Variants in CASK observed in about 807,000 individuals in gnomAD.
The protein encoded by CASK is calcium/calmodulin dependent serine protein kinase, also known as peripheral plasma membrane protein CASK.
Under a neutral mutation model 82.9 loss-of-function variants are expected in CASK, and 4 were observed. The ratio of observed to expected loss-of-function variants is 0.05; its 90% CI spans 0.02 to 0.11. The LOEUF (loss-of-function observed/expected upper bound fraction) is 0.11. Among genes scored for constraint, CASK ranks in the 10% least tolerant of loss-of-function variants. The pLI, the probability that CASK is intolerant of heterozygous loss-of-function variation, is 1.00. For synonymous variants in CASK, 259 were observed against 253.5 expected (o/e 1.02, Z -0.20); for missense variants, 358 against 720.9 (o/e 0.50, Z 5.76).
intron 7 of CASK, among the ~76,000 whole-genome samples, chrX:41,662,538 C>T (rs747521557): frequency 2.2e-4 from 24 of 111,295 alleles, no homozygotes; most frequent in Non-Finnish European, 3.8e-4. Context: ...AGCTGTAATT[C>T]CAGCACTTTG....
intron 2 of CASK, among the ~76,000 whole-genome samples, chrX:41,846,436 T>TG (rs1189683176): frequency 7.9e-4 from 4 of 5,047 alleles, no homozygotes; most frequent in African/African-American, 2.7e-3. Flanking sequence ...AAAGGGTAGT[T>TG]GGGGGGGCGG....
At chrX:41,666,796 C>T (rs759101878) in intron 6 of CASK, among the ~76,000 whole-genome samples, 6 of 111,589 alleles carry the variant, frequency 5.4e-5, no homozygotes, top group Non-Finnish European at 1.1e-4. Flanking sequence ...TAGAGAAATA[C>T]TTTTATTTCT....
At position 41,813,364 on chromosome X, in the gene CASK, A is replaced by T. The variant is rs368817027; in HGVS notation, c.173-26081T>A. ...CTATAATACAAGGCTACAGTAACCAAAACAGCAAGGTACTGGCACCAAAAC... is the reference window on the plus strand; with the variant it reads ...CTATAATACAAGGCTACAGTAACCATAACAGCAAGGTACTGGCACCAAAAC... On this transcript the variant is annotated intron_variant, in intron 2 of 26. Transcript: ENST00000378163. 1.5e-4 allele frequency among the ~76,000 whole-genome samples: 17 copies of T among 111,753 alleles called. No individual in the cohort carries two copies. In the East Asian group the frequency reaches 3.6e-3, roughly 24 times the overall value.
At chrX:41,551,142 G>C (rs973978222) in intron 21 of CASK, among the ~76,000 whole-genome samples, 4 of 111,697 alleles carry the variant, frequency 3.6e-5, no homozygotes, top group African/African-American at 1.3e-4. Flanking sequence ...TGCCTTCAGA[G>C]ACTTTCTGTT....
At position 41,907,931 on chromosome X, in the gene CASK, T is replaced by C. The variant is rs747913203; in HGVS notation, c.59+14999A>G. On this transcript the variant is annotated intron_variant, in intron 1 of 26. Coordinates refer to ENST00000378163, the MANE Select transcript of CASK (RefSeq NM_001367721.1). ...GTTCCCGCGCATGTGCAGTTCACAA[T>C]AGGGTTTGTGCTTCTATGAGAATCT... Among the ~76,000 whole-genome samples, 3 of 111,745 alleles carry C rather than the reference T, an allele frequency of 2.7e-5. No individual in the cohort carries two copies. In the East Asian group the frequency reaches 8.5e-4, roughly 32 times the overall value.
intron 1 of CASK, among the ~76,000 whole-genome samples, chrX:41,897,240 G>A (rs1205628017): frequency 9.0e-6 from 1 of 111,493 alleles, no homozygotes; most frequent in East Asian, 2.8e-4. Context: ...TTAGCTGTGG[G>A]CCTGTCATAT....
At chrX:41,579,004 T>G (rs2147203089) in intron 14 of CASK, among the ~76,000 whole-genome samples, 1 of 112,316 alleles carries the variant, frequency 8.9e-6, no homozygotes, top group Non-Finnish European at 1.9e-5. Context: ...ATCAACTAAC[T>G]TGTTCAAATG....
intron 13 of CASK, among the ~76,000 whole-genome samples, 191 bp downstream of exon 13, chrX:41,589,324 T>C (rs888331154): frequency 1.8e-5 from 2 of 112,283 alleles, no homozygotes; most frequent in Non-Finnish European, 3.8e-5. Flanking sequence ...ACTAGAAATC[T>C]AGGCAATATT....
At chrX:41,667,635 G>A (rs994641356) in intron 6 of CASK, among the ~76,000 whole-genome samples, 4 of 111,047 alleles carry the variant, frequency 3.6e-5, no homozygotes, top group Admixed American at 9.6e-5. Context: ...ATTTTCCCCA[G>A]GCTAGTCTCA....
At chrX:41,798,063 TC>T (rs2069900281) in intron 2 of CASK, among the ~76,000 whole-genome samples, 1 of 112,038 alleles carries the variant, frequency 8.9e-6, no homozygotes, top group African/African-American at 3.2e-5. Context: ...AAATTACACG[TC>T]CCCAAAAAAG....
At chrX:41,705,546 C>T (rs2067871395) in intron 5 of CASK, among the ~76,000 whole-genome samples, 1 of 107,463 alleles carries the variant, frequency 9.3e-6, no homozygotes, top group Non-Finnish European at 1.9e-5. Context: ...CAGAGATCTT[C>T]TAAAAAAAAA....
At position 41,530,897 on chromosome X, in the gene CASK, T is replaced by C; in HGVS notation, c.2520+110A>G. ...CCATTACTGATACTTTTCTGTGGTTTATGAAATTATTATGTGACCTGTGAC... is the reference window on the plus strand; with the variant it reads ...CCATTACTGATACTTTTCTGTGGTTCATGAAATTATTATGTGACCTGTGAC... On this transcript the variant is annotated intron_variant, in intron 25 of 26. Coordinates refer to ENST00000378163, the MANE Select transcript of CASK (RefSeq NM_001367721.1). 3 of 708,487 alleles carry C rather than the reference T, an allele frequency of 4.2e-6. No individual in the cohort carries two copies. The South Asian group carries it at 6.7e-5, about 16-fold the overall frequency. The allele number at this position is 708,487 out of a possible 1,213,427, so 58.4% of individuals were successfully genotyped here. A position where few individuals can be genotyped will look rare whatever the true frequency, so the allele number is the denominator to read the frequency against.
intron 1 of CASK, among the ~76,000 whole-genome samples, chrX:41,912,682 A>C (rs988799073): frequency 8.5e-5 from 9 of 105,791 alleles, no homozygotes; most frequent in Non-Finnish European, 1.5e-4. Flanking sequence ...CATGCCTGTA[A>C]TCGCAGCGCT....
At chrX:41,541,399 C>T (rs1034690043) in intron 22 of CASK, among the ~76,000 whole-genome samples, 5 of 111,924 alleles carry the variant, frequency 4.5e-5, no homozygotes, top group African/African-American at 1.3e-4. Flanking sequence ...TGAGCATTTG[C>T]TTAACAGTTG....
At chrX:41,716,317 C>T (rs2068060620) in intron 5 of CASK, among the ~76,000 whole-genome samples, 1 of 112,261 alleles carries the variant, frequency 8.9e-6, no homozygotes, top group African/African-American at 3.2e-5. Context: ...GCAATGAAAA[C>T]ACTGGTTGTC....
intron 9 of CASK, chrX:41,635,665 C>A (rs1324615239): frequency 9.2e-6 from 1 of 108,242 alleles, no homozygotes; most frequent in African/African-American, 3.4e-5. Flanking sequence ...GTCAAATGGA[C>A]TCCCCATATG....
chrX:41,563,313 T>A (rs113656775), intron 16 of CASK, among the ~76,000 whole-genome samples: 3,435 of 90,916 alleles, frequency 0.038, 92 homozygotes, highest in Non-Finnish European at 0.056. Flanking sequence ...GCTATGATTA[T>A]GCTACTGCAT....
chrX:41,544,094 A>G (rs1399380938), intron 21 of CASK, among the ~76,000 whole-genome samples: 1 of 111,894 alleles, frequency 8.9e-6, no homozygotes, highest in Non-Finnish European at 1.9e-5. Context: ...GAAATTCTTT[A>G]TATAGTCTAG....
intron 2 of CASK, among the ~76,000 whole-genome samples, chrX:41,813,453 C>A (rs1473398536): frequency 9.0e-6 from 1 of 111,112 alleles, no homozygotes; most frequent in Admixed American, 9.6e-5. Context: ...CTACAACCAT[C>A]TGATCTTTGA....
Sources: allele counts gnomAD v4.1 joint callset (sites outside exome capture counted in the v4.1 genomes callset), GRCh38; gene constraint gnomAD v4.1.1; transcripts MANE v1.5; gene names NCBI Gene and HGNC (gene_info 2026-07-23, HGNC 2026-07-21).